The following LINGO2 variants were observed in gnomAD, a reference collection of about 807,000 sequenced individuals.
LINGO2 encodes the protein leucine rich repeat and Ig domain containing 2, also known as leucine-rich repeat and immunoglobulin-like domain-containing nogo receptor-interacting protein 2.
In LINGO2, 14 loss-of-function variants were observed where a neutral mutation model predicts 30.6. The ratio of observed to expected loss-of-function variants is 0.46; its 90% CI spans 0.30 to 0.72. The LOEUF is 0.72. LINGO2 is among the 30% of genes least tolerant of loss of function. LINGO2 has a pLI of 0.07. For synonymous variants in LINGO2, 317 were observed against 288.5 expected (o/e 1.10, Z -1.00); for missense variants, 729 against 751.7 (o/e 0.97, Z 0.35).
intron 1 of LINGO2, among the ~76,000 whole-genome samples, chr9:28,635,534 A>G (rs1433722191): frequency 6.6e-6 from 1 of 152,272 alleles, no homozygotes; most frequent in Non-Finnish European, 1.5e-5. Context: ...TGGTATTTTG[A>G]AAAGAAGAGG....
chr9:28,047,272 G>A (rs1262986587), intron 4 of LINGO2, among the ~76,000 whole-genome samples: 1 of 152,104 alleles, frequency 6.6e-6, no homozygotes, highest in African/African-American at 2.4e-5. Flanking sequence ...TTTGGTCGGA[G>A]CTTGCCCTCC....
chr9:28,560,875 A>G (rs1188919296), intron 1 of LINGO2, among the ~76,000 whole-genome samples: 1 of 151,728 alleles, frequency 6.6e-6, no homozygotes, highest in Non-Finnish European at 1.5e-5. Flanking sequence ...GGGTTTCTCC[A>G]AGTTGCTCAG....
At chr9:29,079,427 A>T in the LINGO2 span, among the ~76,000 whole-genome samples, 1 of 152,000 alleles carries the variant, frequency 6.6e-6, no homozygotes, top group Admixed American at 6.6e-5. Context: ...TAGGTCAGTG[A>T]TTCCTATAAA....
the LINGO2 span, among the ~76,000 whole-genome samples, chr9:29,129,891 G>A: frequency 6.6e-6 from 1 of 152,158 alleles, no homozygotes; most frequent in African/African-American, 2.4e-5. Context: ...TTAAAAAGAG[G>A]GATGTTTAGA....
intron 1 of LINGO2, among the ~76,000 whole-genome samples, chr9:28,552,135 A>C (rs1038708023): frequency 1.3e-5 from 2 of 151,940 alleles, no homozygotes; most frequent in African/African-American, 2.4e-5. Flanking sequence ...AGAAATTATA[A>C]ATTTACCTTG....
the LINGO2 span, among the ~76,000 whole-genome samples, chr9:28,849,424 G>C: frequency 6.6e-6 from 1 of 151,908 alleles, no homozygotes; most frequent in Non-Finnish European, 1.5e-5. Flanking sequence ...CATTATCACT[G>C]CATTTCAAAG....
intron 4 of LINGO2, among the ~76,000 whole-genome samples, chr9:28,206,261 G>A (rs879701066): frequency 6.6e-6 from 1 of 150,932 alleles, no homozygotes; most frequent in Non-Finnish European, 1.5e-5. Flanking sequence ...AGCTGTTGAA[G>A]CACACAAAAA....
the LINGO2 span, among the ~76,000 whole-genome samples, chr9:28,765,230 C>T: frequency 1.3e-5 from 2 of 151,864 alleles, no homozygotes; most frequent in Non-Finnish European, 2.9e-5. Flanking sequence ...TGGGGGCATC[C>T]CACTTCATGA....
chr9:28,006,626 A>C (rs1174348469), intron 5 of LINGO2, among the ~76,000 whole-genome samples: 1 of 152,156 alleles, frequency 6.6e-6, no homozygotes, highest in Non-Finnish European at 1.5e-5. Context: ...ATTAATTCCA[A>C]ACCAACCCTT....
chr9:29,176,462 C>G, the LINGO2 span, among the ~76,000 whole-genome samples: 1 of 152,156 alleles, frequency 6.6e-6, no homozygotes, highest in Non-Finnish European at 1.5e-5. Context: ...AATCCCTGTC[C>G]CCTACACATG....
chr9:28,770,330 G>C, the LINGO2 span, among the ~76,000 whole-genome samples: 1 of 152,090 alleles, frequency 6.6e-6, no homozygotes, highest in African/African-American at 2.4e-5. Context: ...TGACTCTATG[G>C]GGATTCTCCT....
At chr9:28,486,743 C>T (rs1826181125) in intron 1 of LINGO2, among the ~76,000 whole-genome samples, 1 of 151,982 alleles carries the variant, frequency 6.6e-6, no homozygotes. Flanking sequence ...CCTCCTTCAA[C>T]TCATGAAACA....
chr9:28,889,554 TATA>T, the LINGO2 span, among the ~76,000 whole-genome samples: 1 of 152,122 alleles, frequency 6.6e-6, no homozygotes, highest in African/African-American at 2.4e-5. Flanking sequence ...TATACATAAA[TATA>T]ATGTTATTGA....
At chr9:28,476,345 T>G (rs1225609164) in intron 1 of LINGO2, among the ~76,000 whole-genome samples, 1 of 152,180 alleles carries the variant, frequency 6.6e-6, no homozygotes, top group Admixed American at 6.5e-5. Context: ...ACACAATGTC[T>G]GCTCACTGCA....
At chr9:29,030,192 A>G in the LINGO2 span, among the ~76,000 whole-genome samples, 1 of 152,108 alleles carries the variant, frequency 6.6e-6, no homozygotes, top group Non-Finnish European at 1.5e-5. Flanking sequence ...ACATATTTCT[A>G]AAGATATTTG....
chr9:29,120,081 T>C, the LINGO2 span, among the ~76,000 whole-genome samples: 1 of 152,128 alleles, frequency 6.6e-6, no homozygotes, highest in Admixed American at 6.5e-5. Flanking sequence ...CATGAATTTG[T>C]CATAGGTAGA....
At chr9:28,132,707 CAT>C (rs1033737315) in intron 4 of LINGO2, among the ~76,000 whole-genome samples, 20 of 152,296 alleles carry the variant, frequency 1.3e-4, no homozygotes, top group African/African-American at 4.8e-4. Context: ...TTCTGGTTTT[CAT>C]ATGTTGATTC....
chr9:28,055,434 A>G (rs1202019645), intron 4 of LINGO2, among the ~76,000 whole-genome samples: 1 of 152,142 alleles, frequency 6.6e-6, no homozygotes, highest in Non-Finnish European at 1.5e-5. Flanking sequence ...TGTTGGGTAT[A>G]AGGGCATTTG....
At chr9:28,500,666 C>A (rs1158232655) in intron 1 of LINGO2, among the ~76,000 whole-genome samples, 1 of 151,912 alleles carries the variant, frequency 6.6e-6, no homozygotes, top group African/African-American at 2.4e-5. Context: ...TTTCAATATT[C>A]ATCTGATAAA....
Sources: allele counts gnomAD v4.1 joint callset (sites outside exome capture counted in the v4.1 genomes callset), GRCh38; gene constraint gnomAD v4.1.1; transcripts MANE v1.5; gene names NCBI Gene and HGNC (gene_info 2026-07-23, HGNC 2026-07-21).